TRPC4: variants seen among roughly 807,000 people sequenced by gnomAD.
TRPC4 encodes the protein transient receptor potential cation channel subfamily C member 4.
In TRPC4, 49 loss-of-function variants were observed where a neutral mutation model predicts 99.4. The observed-to-expected ratio is 0.49, with a 90% confidence interval of 0.39 to 0.63. The LOEUF (loss-of-function observed/expected upper bound fraction) is 0.63, where lower values mean the gene tolerates loss of function less well. TRPC4 is among the 20% of genes least tolerant of loss of function. The pLI, the probability that TRPC4 is intolerant of heterozygous loss-of-function variation, is 0.00. For synonymous variants in TRPC4, 454 were observed against 425.9 expected, an observed-to-expected ratio of 1.07 and a Z score of -0.81; for missense variants, 898 against 1,152.9, an observed-to-expected ratio of 0.78 and a Z score of 3.20.
At chr13:37,647,210 C>T (rs1243052576) in intron 8 of TRPC4, among the ~76,000 whole-genome samples, 1 of 152,098 alleles carries the variant, frequency 6.6e-6, no homozygotes, top group Non-Finnish European at 1.5e-5. Context: ...GAATGAGCAG[C>T]AGGGTGACAT....
chr13:37,680,580 C>T (rs1304830640), intron 4 of TRPC4, among the ~76,000 whole-genome samples: 1 of 152,210 alleles, frequency 6.6e-6, no homozygotes, highest in African/African-American at 2.4e-5. Context: ...AGATGAAAAA[C>T]TGCCCTGTAC....
intron 1 of TRPC4, among the ~76,000 whole-genome samples, chr13:37,817,646 G>T (rs1363288382): frequency 6.6e-6 from 1 of 151,814 alleles, no homozygotes; most frequent in African/African-American, 2.4e-5. Flanking sequence ...ATATTACAGG[G>T]TTACGGTAAT....
chr13:37,657,779 T>C (rs1275727682), intron 6 of TRPC4, among the ~76,000 whole-genome samples: 1 of 152,134 alleles, frequency 6.6e-6, no homozygotes, highest in Non-Finnish European at 1.5e-5. Flanking sequence ...ATAAATACTT[T>C]TGCAAAATAT....
chr13:37,847,604 T>A (rs759560889), intron 1 of TRPC4, among the ~76,000 whole-genome samples: 1 of 152,064 alleles, frequency 6.6e-6, no homozygotes, highest in Non-Finnish European at 1.5e-5. Flanking sequence ...TATAGATGTA[T>A]CAGAACATCA....
chr13:37,651,186 A>G, intron 8 of TRPC4, 79 bp downstream of exon 8: 3 of 1,534,374 alleles, frequency 2.0e-6, no homozygotes, highest in South Asian at 1.2e-5. Context: ...TAAAGACCTG[A>G]ACATGTACAA....
intron 1 of TRPC4, among the ~76,000 whole-genome samples, chr13:37,864,639 G>A (rs547623562): frequency 5.3e-5 from 8 of 151,590 alleles, no homozygotes; most frequent in Non-Finnish European, 8.9e-5. Flanking sequence ...AAAATCCTCC[G>A]GTTTTCTTTA....
chr13:37,818,242 T>C (rs3949621), intron 1 of TRPC4, among the ~76,000 whole-genome samples: 50,214 of 151,580 alleles, frequency 0.33, 8,619 homozygotes, highest in East Asian at 0.53. Context: ...AAATCAAAAT[T>C]ACAATGAGAT....
chr13:37,800,368 T>C (rs1957369718), intron 1 of TRPC4, among the ~76,000 whole-genome samples: 1 of 152,160 alleles, frequency 6.6e-6, no homozygotes, highest in Non-Finnish European at 1.5e-5. Context: ...TGCATCTGAC[T>C]GACGGTTTTA....
Position 37,827,093 on chromosome 13 carries a change from G to A in TRPC4, c.-28+42502C>T, listed in dbSNP as rs931968042. ...CTCCTGAGGCTTCTGCATTCTTCAC[G>A]TAGTTCTCCAGCCTTGGTTTTCAGC... On this transcript the variant is annotated intron_variant, in intron 1 of 10. Transcript: ENST00000379705. Among the ~76,000 whole-genome samples, 7 of 151,842 alleles carry A rather than the reference G, an allele frequency of 4.6e-5. 1 individual carries two copies. In the Middle Eastern group the frequency reaches 0.014, roughly 295 times the overall value.
intron 5 of TRPC4, among the ~76,000 whole-genome samples, chr13:37,672,446 C>A (rs988828748): frequency 1.1e-4 from 17 of 152,130 alleles, no homozygotes; most frequent in Non-Finnish European, 2.4e-4. Context: ...GTTAGAAATG[C>A]AAATTTGGAC....
intron 1 of TRPC4, among the ~76,000 whole-genome samples, chr13:37,855,560 C>T (rs9532128): frequency 0.25 from 37,290 of 151,318 alleles, 4,888 homozygotes; most frequent in African/African-American, 0.31. Flanking sequence ...GAACATTTTA[C>T]CCAAAATCTG....
intron 1 of TRPC4, among the ~76,000 whole-genome samples, chr13:37,813,133 T>A (rs546588949): frequency 6.6e-6 from 1 of 151,906 alleles, no homozygotes; most frequent in East Asian, 1.9e-4. Flanking sequence ...TAGTTAGAAA[T>A]TAAATGATAT....
intron 1 of TRPC4, among the ~76,000 whole-genome samples, chr13:37,784,174 T>A (rs772331640): frequency 1.3e-5 from 2 of 152,074 alleles, no homozygotes. Context: ...TCAAGATGAG[T>A]CTAAGCAATT....
intron 1 of TRPC4, among the ~76,000 whole-genome samples, chr13:37,855,168 A>G (rs1959154098): frequency 6.6e-6 from 1 of 151,704 alleles, no homozygotes; most frequent in Non-Finnish European, 1.5e-5. Context: ...GGAAATTTTA[A>G]AAAAGCAAGC....
chr13:37,638,330 A>C (rs911590286), intron 10 of TRPC4, among the ~76,000 whole-genome samples: 1 of 152,156 alleles, frequency 6.6e-6, no homozygotes, highest in African/African-American at 2.4e-5. Flanking sequence ...GCTTCTAGCT[A>C]GTTTTCCACC....
chr13:37,714,031 G>A (rs1163674226), intron 3 of TRPC4, among the ~76,000 whole-genome samples: 1 of 151,618 alleles, frequency 6.6e-6, no homozygotes, highest in African/African-American at 2.4e-5. Flanking sequence ...CTGCACCCAA[G>A]CTTGCTTCCT....
chr13:37,652,316 C>A (rs925734033), intron 7 of TRPC4, among the ~76,000 whole-genome samples: 1 of 152,174 alleles, frequency 6.6e-6, no homozygotes, highest in Non-Finnish European at 1.5e-5. Flanking sequence ...ATCATAAACA[C>A]GAACTCATAT....
chr13:37,708,348 C>T (rs765301211), intron 3 of TRPC4, among the ~76,000 whole-genome samples: 67 of 152,172 alleles, frequency 4.4e-4, no homozygotes, highest in South Asian at 1.9e-3. Flanking sequence ...ATGTGAGTAA[C>T]TATTTAACCA....
intron 3 of TRPC4, among the ~76,000 whole-genome samples, chr13:37,735,090 G>A (rs1482568760): frequency 6.6e-6 from 1 of 151,994 alleles, no homozygotes; most frequent in Non-Finnish European, 1.5e-5. Context: ...CCAAATTATA[G>A]CACAGGCATT....
Sources: allele counts gnomAD v4.1 joint callset (sites outside exome capture counted in the v4.1 genomes callset), GRCh38; gene constraint gnomAD v4.1.1; transcripts MANE v1.5; gene names NCBI Gene and HGNC (gene_info 2026-07-23, HGNC 2026-07-21).